FARP2: variants seen among roughly 807,000 people sequenced by gnomAD.
The protein encoded by FARP2 is FERM, ARHGEF and pleckstrin domain-containing protein 2.
A neutral mutation model predicts 130.5 loss-of-function variants in FARP2; 111 were observed. That is an observed-to-expected ratio of 0.85 (90% confidence interval 0.73 to 1.00). The LOEUF is 1.00. Ranked by LOEUF, FARP2 falls within the 50% of genes least tolerant of loss-of-function variation. The probability of loss-of-function intolerance (pLI) is 0.00; values close to 1 mark genes in which losing one functional copy is unlikely to be tolerated. For missense variants in FARP2, 1,385 were observed against 1,346.3 expected (o/e 1.03, Z -0.45); for synonymous variants, 504 against 516.9 (o/e 0.98, Z 0.34).
intron 8 of FARP2, among the ~76,000 whole-genome samples, chr2:241,426,871 CT>C (rs969500563): frequency 1.3e-5 from 2 of 152,126 alleles, no homozygotes; most frequent in African/African-American, 4.8e-5. Flanking sequence ...TTTATTTCTC[CT>C]TTTATCATGG....
chr2:241,462,210 C>T (rs1353153038), intron 14 of FARP2, among the ~76,000 whole-genome samples: 1 of 152,246 alleles, frequency 6.6e-6, no homozygotes, highest in Non-Finnish European at 1.5e-5. Flanking sequence ...CACACACACA[C>T]TCATGGACCT....
At chr2:241,493,174 A>C in intron 25 of FARP2, 119 bp from the exon 26 acceptor site, 1 of 1,275,484 alleles carries the variant, frequency 7.8e-7, no homozygotes, top group Non-Finnish European at 1.1e-6. Context: ...TGAACAGGGA[A>C]ACTGGCTCCC....
intron 9 of FARP2, among the ~76,000 whole-genome samples, chr2:241,433,524 A>G (rs1406046495): frequency 6.6e-6 from 1 of 152,224 alleles, no homozygotes; most frequent in Non-Finnish European, 1.5e-5. Context: ...GAAACAATTC[A>G]GTAATAACAT....
At chr2:241,457,447 C>T (rs2063884461) in intron 14 of FARP2, among the ~76,000 whole-genome samples, 1 of 130,000 alleles carries the variant, frequency 7.7e-6, no homozygotes, top group Non-Finnish European at 1.7e-5. Flanking sequence ...GATCTGGGTG[C>T]TAAGGGAGGG....
rs1451256211 is a variant in FARP2 at position 241,435,024 on chromosome 2, A to G, written c.1094A>G (p.Tyr365Cys). 2 of 1,580,904 alleles carry G rather than the reference A, an allele frequency of 1.3e-6. No homozygotes were observed. The highest frequency in any genetic ancestry group is 1.7e-6 in the Non-Finnish European group (2 of 1,153,400). ...GACAGTGGAATGAAGAGAATTCCAT[A>G]TGAAAGGTAAGCTCTGGCCTTTATG... ...FKDSGMKRIP[Y>C]ERRHSKTHTS... is the part of the protein sequence containing the mutation. The change falls in exon 11 of 27, where the codon TAT becomes TGT. Residue 365 changes from tyrosine (Y) to cysteine (C), a missense_variant. Coordinates refer to ENST00000264042, the MANE Select transcript of FARP2 (RefSeq NM_014808.4).
chr2:241,469,511 A>G (rs1295859536), intron 18 of FARP2, among the ~76,000 whole-genome samples: 1 of 152,280 alleles, frequency 6.6e-6, no homozygotes, highest in Non-Finnish European at 1.5e-5. Flanking sequence ...AGCAAGAAAT[A>G]GAATGGATCA....
At chr2:241,453,100 C>T (rs997318150) in intron 13 of FARP2, among the ~76,000 whole-genome samples, 11 of 151,912 alleles carry the variant, frequency 7.2e-5, no homozygotes, top group Middle Eastern at 3.4e-3. Context: ...GAGGCCAAGG[C>T]GGGCGGATCA....
At chr2:241,450,158 G>A (rs1220339445) in intron 13 of FARP2, among the ~76,000 whole-genome samples, 1 of 152,132 alleles carries the variant, frequency 6.6e-6, no homozygotes, top group Non-Finnish European at 1.5e-5. Flanking sequence ...GGAGTGAGAA[G>A]TTCAAGACCA....
In FARP2 at chr2:241,428,058, G is replaced by A. The variant is rs151276154; in HGVS notation, c.772-3621G>A. 6.8e-3 allele frequency among the ~76,000 whole-genome samples: 1,036 copies of A among 151,654 alleles called. 10 individuals carry two copies. Among genetic ancestry groups the A allele is most frequent in the Middle Eastern group, 0.014 (4 of 292 alleles). On this transcript the variant is annotated intron_variant, in intron 8 of 26. Transcript: ENST00000264042. Reference sequence around the variant, plus strand: ...TGGGATTACAGGCATGAGCCACCACGCCCAGCCTAGGCCCTCGGTTTTTTA... The same window carrying A: ...TGGGATTACAGGCATGAGCCACCACACCCAGCCTAGGCCCTCGGTTTTTTA...
chr2:241,434,015 A>G, intron 9 of FARP2, 143 bp from the exon 10 acceptor site: 1 of 638,928 alleles, frequency 1.6e-6, no homozygotes, highest in Non-Finnish European at 2.6e-6. Context: ...CAGCCTGGGC[A>G]CAGAGCAAGA....
chr2:241,406,443 C>T (rs545296854), intron 4 of FARP2, among the ~76,000 whole-genome samples: 11 of 151,908 alleles, frequency 7.2e-5, no homozygotes, highest in South Asian at 2.1e-4. Flanking sequence ...AGAGAGCACG[C>T]GCATGTTTTT....
In FARP2 at chr2:241,456,500, CG is replaced by C. The variant is rs2063840790; in HGVS notation, c.1412-243del. 8.9e-6 allele frequency: 4 copies of C among 451,848 alleles called. No individual in the cohort carries two copies. The East Asian group carries it at 1.7e-4, about 19-fold the overall frequency. The allele number at this position is 451,848 out of a possible 1,614,324, so 28.0% of individuals were successfully genotyped here. ...TTGGTATCCAGGCCCCCCTAGAGTCCGGGGAGGATCCACACTGTCTGTGGAT... is the reference window on the plus strand; with the variant it reads ...TTGGTATCCAGGCCCCCCTAGAGTCCGGGAGGATCCACACTGTCTGTGGAT... On this transcript the variant is annotated intron_variant, in intron 13 of 26. Coordinates refer to ENST00000264042, the MANE Select transcript of FARP2 (RefSeq NM_014808.4).
intron 6 of FARP2, among the ~76,000 whole-genome samples, chr2:241,411,447 T>G (rs1422928429): frequency 6.6e-6 from 1 of 152,218 alleles, no homozygotes; most frequent in East Asian, 1.9e-4. Flanking sequence ...AGTCAGAATA[T>G]AAACCAAACT....
At chr2:241,483,380 A>T in intron 19 of FARP2, 85 bp from the exon 20 acceptor site, 1 of 1,155,018 alleles carries the variant, frequency 8.7e-7, no homozygotes, top group Non-Finnish European at 1.3e-6. Context: ...AGCGGCCACA[A>T]GGCTATTCCT....
At chr2:241,363,740 G>A (rs1355633493) in intron 1 of FARP2, among the ~76,000 whole-genome samples, 1 of 152,238 alleles carries the variant, frequency 6.6e-6, no homozygotes, top group Non-Finnish European at 1.5e-5. Flanking sequence ...TCTACAGAAG[G>A]CTGGTCAGGA....
intron 26 of FARP2, 59 bp downstream of exon 26, chr2:241,493,503 A>G (rs2065007225): frequency 6.5e-7 from 1 of 1,539,994 alleles, no homozygotes; most frequent in Non-Finnish European, 9.0e-7. Context: ...CTCAGCTCCC[A>G]TTTCTACTCA....
chr2:241,493,948 C>G (rs922867847), intron 26 of FARP2, 60 bp from the exon 27 acceptor site: 52 of 1,107,716 alleles, frequency 4.7e-5, no homozygotes, highest in African/African-American at 6.5e-5. Flanking sequence ...CTGGGTTGTT[C>G]TTGGGACAGT....
chr2:241,396,066 A>G (rs1367254226), intron 2 of FARP2: 5 of 152,238 alleles, frequency 3.3e-5, no homozygotes. Context: ...CAAACCTGAG[A>G]AAAACAAGCA....
intron 4 of FARP2, among the ~76,000 whole-genome samples, chr2:241,406,161 G>A (rs548586024): frequency 6.6e-6 from 1 of 150,818 alleles, no homozygotes; most frequent in Admixed American, 6.6e-5. Context: ...TTAGCCGGGT[G>A]TAGGGGCATG....
Sources: allele counts gnomAD v4.1 joint callset (sites outside exome capture counted in the v4.1 genomes callset), GRCh38; gene constraint gnomAD v4.1.1; transcripts MANE v1.5; gene names NCBI Gene and HGNC (gene_info 2026-07-23, HGNC 2026-07-21).